The following RSPRY1 variants were observed in gnomAD, a reference collection of about 807,000 sequenced individuals.
RSPRY1 encodes the protein ring finger and SPRY domain containing 1.
Under a neutral mutation model 73.1 loss-of-function variants are expected in RSPRY1, and 23 were observed. The observed-to-expected ratio is 0.31, with a 90% confidence interval of 0.23 to 0.45. The LOEUF (loss-of-function observed/expected upper bound fraction) is 0.45, where lower values mean the gene tolerates loss of function less well. Among genes scored for constraint, RSPRY1 ranks in the 20% least tolerant of loss-of-function variants. RSPRY1 has a pLI of 1.00. For missense variants in RSPRY1, 448 were observed against 698.7 expected (o/e 0.64, Z 4.05); for synonymous variants, 226 against 251.4 (o/e 0.90, Z 0.95).
At chr16:57,208,391 T>C (rs1359613784) in intron 3 of RSPRY1, among the ~76,000 whole-genome samples, 9 of 107,960 alleles carry the variant, frequency 8.3e-5, no homozygotes, top group African/African-American at 2.9e-4. Context: ...TATATATATA[T>C]ATATATATAT....
At chr16:57,200,362 C>A (rs1275043661) in intron 1 of RSPRY1, among the ~76,000 whole-genome samples, 1 of 152,104 alleles carries the variant, frequency 6.6e-6, no homozygotes, top group Non-Finnish European at 1.5e-5. Flanking sequence ...ACCTTTCCCC[C>A]CTTTCTATTC....
At chr16:57,196,032 A>ACT (rs1555499000) in intron 1 of RSPRY1, among the ~76,000 whole-genome samples, 1 of 49,032 alleles carries the variant, frequency 2.0e-5, no homozygotes, top group African/African-American at 5.2e-5. Context: ...AAAAAAAAAA[A>ACT]AAATATATAT....
chr16:57,216,575 C>G, intron 7 of RSPRY1: 1 of 330,820 alleles, frequency 3.0e-6, no homozygotes, highest in Middle Eastern at 9.5e-4. Flanking sequence ...AAAAAATCAG[C>G]CAGGCATGGT....
chr16:57,192,801 G>C (rs948201674), intron 1 of RSPRY1, among the ~76,000 whole-genome samples: 4 of 148,940 alleles, frequency 2.7e-5, no homozygotes, highest in African/African-American at 9.9e-5. Context: ...GACCTCCCCA[G>C]CTCAGGCGAT....
intron 14 of RSPRY1, among the ~76,000 whole-genome samples, chr16:57,236,998 C>G (rs933417192): frequency 3.9e-5 from 6 of 152,082 alleles, no homozygotes; most frequent in South Asian, 4.1e-4. Flanking sequence ...AACCCCGTCT[C>G]TACTACAAAT....
At chr16:57,200,811 C>CG (rs2074567688) in intron 1 of RSPRY1, among the ~76,000 whole-genome samples, 2 of 135,102 alleles carry the variant, frequency 1.5e-5, no homozygotes, top group Admixed American at 1.5e-4. Context: ...ACATCCTTCC[C>CG]GGACGGGGCG....
In RSPRY1 at chr16:57,198,046, T is replaced by G. The variant is rs114100456; in HGVS notation, c.-155-6458T>G. The stretch of plus-strand genomic sequence containing the variant: ...CATCCTATCAGATTTAGTCAGATTT[T>G]AAAAAAAAATCTGCGTGTATTGGAT... On this transcript the variant is annotated intron_variant, in intron 1 of 14. Transcript: ENST00000394420. Among the ~76,000 whole-genome samples the G allele has an allele frequency of 2.5e-3, 373 of 151,512 alleles. 2 individuals are homozygous for G. Among genetic ancestry groups the G allele is most frequent in the South Asian group, 0.015 (71 of 4,784 alleles).
intron 11 of RSPRY1, among the ~76,000 whole-genome samples, chr16:57,230,336 G>A (rs571068142): frequency 7.9e-4 from 121 of 152,270 alleles, no homozygotes; most frequent in South Asian, 7.5e-3. Flanking sequence ...TTAAAGAAAG[G>A]CATATTTTGG....
intron 6 of RSPRY1, among the ~76,000 whole-genome samples, chr16:57,215,593 G>C (rs2074924965): frequency 6.6e-6 from 1 of 152,186 alleles, no homozygotes; most frequent in Admixed American, 6.5e-5. Context: ...GCTTTCTCCT[G>C]TCTACCATCA....
At chr16:57,238,652 C>T (rs2075336379) in intron 14 of RSPRY1, among the ~76,000 whole-genome samples, 1 of 152,130 alleles carries the variant, frequency 6.6e-6, no homozygotes, top group Non-Finnish European at 1.5e-5. Context: ...TATAGAGTGT[C>T]TGAAAGAATG....
chr16:57,200,747 C>T (rs1376117511), intron 1 of RSPRY1, among the ~76,000 whole-genome samples: 11 of 132,088 alleles, frequency 8.3e-5, no homozygotes, highest in Non-Finnish European at 1.3e-4. Context: ...CGGGCAGAGG[C>T]GCCCCTCACC....
chr16:57,229,870 G>A (rs774291802), intron 11 of RSPRY1, among the ~76,000 whole-genome samples: 2 of 148,958 alleles, frequency 1.3e-5, no homozygotes, highest in Admixed American at 1.3e-4. Flanking sequence ...TAACACCCGG[G>A]TAATTTTTGT....
chr16:57,212,812 A>G (rs1455939957), intron 4 of RSPRY1, among the ~76,000 whole-genome samples, 160 bp from the exon 5 acceptor site: 1 of 151,858 alleles, frequency 6.6e-6, no homozygotes, highest in Non-Finnish European at 1.5e-5. Flanking sequence ...ATGGGGTTTC[A>G]CCATGTTGGC....
intron 10 of RSPRY1, among the ~76,000 whole-genome samples, chr16:57,222,919 A>G (rs1258009778): frequency 6.6e-6 from 1 of 152,200 alleles, no homozygotes; most frequent in African/African-American, 2.4e-5. Flanking sequence ...GGATCATTTC[A>G]TCTGCTCGAT....
chr16:57,192,353 T>C (rs1056968910), intron 1 of RSPRY1, among the ~76,000 whole-genome samples: 1 of 152,214 alleles, frequency 6.6e-6, no homozygotes, highest in Admixed American at 6.5e-5. Context: ...CCACAAGTAC[T>C]ACGGAATATT....
intron 10 of RSPRY1, among the ~76,000 whole-genome samples, chr16:57,225,862 T>G (rs1206791390): frequency 1.3e-5 from 2 of 152,306 alleles, no homozygotes; most frequent in East Asian, 3.9e-4. Flanking sequence ...GCAGATCACC[T>G]GAGGTCTAGA....
rs61614358 is a variant in RSPRY1, at chr16:57,222,212, A to G, written c.1161+797A>G. On this transcript the variant is annotated intron_variant, in intron 10 of 14. Transcript: ENST00000394420. ...TGGAATGGGTTTTAGAAGTGATCCA[A>G]CAAAATCAAGCTAAACTTGCCGGCC... 7.2e-3 allele frequency among the ~76,000 whole-genome samples: 1,089 copies of G among 152,082 alleles called. 12 individuals carry two copies. The highest frequency in any genetic ancestry group is 0.025 in the African/African-American group (1,049 of 41,538).
At chr16:57,234,514 G>C (rs954244613) in intron 13 of RSPRY1, among the ~76,000 whole-genome samples, 2 of 152,178 alleles carry the variant, frequency 1.3e-5, no homozygotes, top group African/African-American at 4.8e-5. Context: ...CTAGGGCTTG[G>C]AACAGTGCCT....
At chr16:57,225,089 C>T (rs1417349434) in intron 10 of RSPRY1, among the ~76,000 whole-genome samples, 1 of 152,222 alleles carries the variant, frequency 6.6e-6, no homozygotes, top group Non-Finnish European at 1.5e-5. Context: ...GAGACAGTCT[C>T]GCTCTGTCAC....
Sources: allele counts gnomAD v4.1 joint callset (sites outside exome capture counted in the v4.1 genomes callset), GRCh38; gene constraint gnomAD v4.1.1; transcripts MANE v1.5; gene names NCBI Gene and HGNC (gene_info 2026-07-23, HGNC 2026-07-21).